SMO: variants seen among roughly 807,000 people sequenced by gnomAD.
The protein encoded by SMO is smoothened, frizzled class receptor, also known as protein smoothened.
Under a neutral mutation model 81.6 loss-of-function variants are expected in SMO, and 40 were observed. That is an observed-to-expected ratio of 0.49 (90% CI 0.38 to 0.64). SMO has a LOEUF of 0.64. SMO is among the 30% of genes least tolerant of loss of function. The pLI, the probability that SMO is intolerant of heterozygous loss-of-function variation, is 0.00. For synonymous variants in SMO, 434 were observed against 432.1 expected (o/e 1.00, Z -0.05); for missense variants, 916 against 1,061.1 (o/e 0.86, Z 1.90).
In SMO at chr7:129,206,547, C is replaced by G. The variant is rs1401634708; in HGVS notation, c.1224C>G (p.Ile408Met). ...GTGCGGGCTTCGTGCTGGCCCCAATCGGCCTGGTGCTCATCGTGGGAGGCT... is the reference window on the plus strand; with the variant it reads ...GTGCGGGCTTCGTGCTGGCCCCAATGGGCCTGGTGCTCATCGTGGGAGGCT... ...RYRAGFVLAP[I>M]GLVLIVGGYF... The change falls in exon 6 of 12, where the codon ATC becomes ATG. Residue 408 changes from isoleucine to methionine, a missense_variant. This residue lies in a region of SMO where 436 missense variants were observed against 570.9 expected (regional missense o/e 0.76). Coordinates refer to ENST00000249373, the MANE Select transcript of SMO (RefSeq NM_005631.5). This position sits in a 1 kb window ranked among gnomAD's most constrained non-coding sequence, Gnocchi z 4.4. 6.2e-7 allele frequency: 1 copy of G among 1,614,178 alleles called. No homozygotes were observed. Among genetic ancestry groups the G allele is most frequent in the Non-Finnish European group, 8.5e-7 (1 of 1,180,030 alleles).
rs779384205 is a variant in SMO, at chr7:129,212,442, G to T, written c.2355G>T (p.Ser785=). The T allele has an allele frequency of 6.2e-7, 1 of 1,610,260 alleles. No homozygotes were observed. Among genetic ancestry groups the T allele is most frequent in the Non-Finnish European group, 8.5e-7 (1 of 1,177,212 alleles). The change falls in exon 12 of 12, where the codon TCG becomes TCT. Residue 785 remains serine, a synonymous_variant. Coordinates refer to ENST00000249373, the MANE Select transcript of SMO (RefSeq NM_005631.5). This position sits in a 1 kb window ranked among gnomAD's most constrained non-coding sequence, Gnocchi z 5.0. ...ACACAGAACTCATGGATGCAGACTC[G>T]GACTTCTGAGCCTGCAGAGCAGGAC... ...LMDTELMDAD[S]DF is the part of the protein sequence containing the mutation.
At chr7:129,197,031 A>G (rs1337478673) in intron 1 of SMO, among the ~76,000 whole-genome samples, 1 of 151,346 alleles carries the variant, frequency 6.6e-6, no homozygotes, top group South Asian at 2.1e-4. Flanking sequence ...AAAAAAAAAA[A>G]AAAGAAATAA....
At chr7:129,193,123 G>A (rs886186868) in intron 1 of SMO, among the ~76,000 whole-genome samples, 11 of 152,130 alleles carry the variant, frequency 7.2e-5, no homozygotes, top group East Asian at 3.9e-4. Context: ...TGTCCAGGCC[G>A]TGGTCCACCT....
intron 1 of SMO, among the ~76,000 whole-genome samples, chr7:129,201,684 T>A (rs1387768639): frequency 6.6e-6 from 1 of 152,102 alleles, no homozygotes; most frequent in Non-Finnish European, 1.5e-5. Context: ...TTTTGTTTTT[T>A]ATTTTTTTGT....
intron 1 of SMO, among the ~76,000 whole-genome samples, chr7:129,196,097 T>C (rs1353032995): frequency 9.1e-5 from 12 of 131,794 alleles, no homozygotes; most frequent in African/African-American, 2.9e-4. Context: ...TGAGACTCCC[T>C]CTCAAAAAAA....
Position 129,212,358 on chromosome 7 carries a change from A to T in SMO, c.2271A>T (p.Ala757=), listed in dbSNP as rs1793889832. 1 of 1,614,090 alleles carries T rather than the reference A, an allele frequency of 6.2e-7. No individual in the cohort carries two copies. ...TGCCCAGTGCACCGGCCCCCGTGGCATGGGCTCATGGCCGCCGACAGGGCC... is the reference window on the plus strand; with the variant it reads ...TGCCCAGTGCACCGGCCCCCGTGGCTTGGGCTCATGGCCGCCGACAGGGCC... ...PFLPSAPAPV[A]WAHGRRQGLG... is the part of the protein sequence containing the mutation. The change falls in exon 12 of 12, where the codon GCA becomes GCT. Residue 757 remains alanine, a synonymous_variant. Coordinates refer to ENST00000249373, the MANE Select transcript of SMO (RefSeq NM_005631.5). The surrounding 1 kb of genome is among the most constrained non-coding windows in gnomAD (Gnocchi z 5.0).
rs1793851805 is a variant in SMO, at chr7:129,210,460, C to G, written c.1564C>G (p.Leu522Val). The change falls in exon 9 of 12, where the codon CTG (leucine) becomes GTG (valine). Residue 522 changes from leucine (L) to valine (V), a missense_variant. By Grantham distance (32) the Leu-to-Val change is conservative. Coordinates refer to ENST00000249373, the MANE Select transcript of SMO (RefSeq NM_005631.5). This position sits in a 1 kb window ranked among gnomAD's most constrained non-coding sequence, Gnocchi z 4.7. Reference sequence around the variant, plus strand: ...GAGCCTTCTGGTGGAGAAGATCAACCTGTTTGCCATGTTTGGAACTGGCAT... The same window carrying G: ...GAGCCTTCTGGTGGAGAAGATCAACGTGTTTGCCATGTTTGGAACTGGCAT... ...RPSLLVEKINLFAMFGTGIAM... is the reference protein window; with the variant it reads ...RPSLLVEKINVFAMFGTGIAM... 1.2e-5 allele frequency: 19 copies of G among 1,614,148 alleles called. No individual in the cohort carries two copies. Among genetic ancestry groups the G allele is most frequent in the Non-Finnish European group, 1.4e-5 (16 of 1,179,986 alleles).
rs148983318 is a variant in SMO at position 129,195,884 on chromosome 7, G to A, written c.331+6402G>A. On this transcript the variant is annotated intron_variant, in intron 1 of 11. Transcript: ENST00000249373. ...TGGGAGGTCAAGGTGGGCAGATCAC[G>A]AGGTCAGGAAGTCGAGACCATCCTG... 5.8e-3 allele frequency among the ~76,000 whole-genome samples: 883 copies of A among 152,084 alleles called. 11 individuals are homozygous for A. The highest frequency in any genetic ancestry group is 0.027 in the East Asian group (141 of 5,164).
At position 129,189,047 on chromosome 7, in the gene SMO, G is replaced by A. The variant is rs1005280465; in HGVS notation, c.-105G>A. 11 of 1,063,890 alleles carry A rather than the reference G, an allele frequency of 1.0e-5. No homozygotes were observed. Among genetic ancestry groups the A allele is most frequent in the African/African-American group, 9.9e-5 (6 of 60,806 alleles). The allele number at this position is 1,063,890 out of a possible 1,614,324, so 65.9% of individuals were successfully genotyped here. A position where few individuals can be genotyped will look rare whatever the true frequency, so the allele number is the denominator to read the frequency against. On this transcript the variant is annotated 5_prime_UTR_variant, in exon 1 of 12. Coordinates refer to ENST00000249373, the MANE Select transcript of SMO (RefSeq NM_005631.5). The surrounding 1 kb of genome is among the most constrained non-coding windows in gnomAD (Gnocchi z 4.7). The stretch of plus-strand genomic sequence containing the variant: ...GGGCCCGGATTCTCTGGGCGCACAG[G>A]TCGCCTGAGCCGCCTCCGCGGCCGC...
rs36126187 is a variant in SMO at position 129,208,460 on chromosome 7, A to AT, written c.1265-298dup. Reference sequence around the variant, plus strand: ...GGTTCCATCTCAAAAAAAAAATTATATGGATAGCGCTGTTCTTGAGTCTGT... The same window carrying AT: ...GGTTCCATCTCAAAAAAAAAATTATATTGGATAGCGCTGTTCTTGAGTCTGT... On this transcript the variant is annotated intron_variant, in intron 6 of 11. Transcript: ENST00000249373. The surrounding 1 kb of genome is among the most constrained non-coding windows in gnomAD (Gnocchi z 5.2). Among the ~76,000 whole-genome samples the AT allele has an allele frequency of 0.83, 125,901 of 151,802 alleles. 52,445 individuals are homozygous for AT. The highest frequency in any genetic ancestry group is 0.89 in the Middle Eastern group (263 of 294).
rs55789540 is a variant in SMO, at chr7:129,205,312, A to G, written c.647A>G (p.Gln216Arg). 6.2e-7 allele frequency: 1 copy of G among 1,614,102 alleles called. No individual in the cohort carries two copies. Among genetic ancestry groups the G allele is most frequent in the Non-Finnish European group, 8.5e-7 (1 of 1,180,030 alleles). Residue 216 changes from glutamine to arginine, a missense_variant, in exon 3 of 12, where the codon CAG (glutamine) becomes CGG (arginine). Gln to Arg is a conservative substitution (Grantham distance 43). This residue lies in a region of SMO where 436 missense variants were observed against 570.9 expected (regional missense o/e 0.76). Coordinates refer to ENST00000249373, the MANE Select transcript of SMO (RefSeq NM_005631.5). Reference sequence around the variant, plus strand: ...GAGGACGTGGAGGGCTGCGGCATCCAGTGCCAGAACCCGCTCTTCACAGAG... The same window carrying G: ...GAGGACGTGGAGGGCTGCGGCATCCGGTGCCAGAACCCGCTCTTCACAGAG... ...WYEDVEGCGIQCQNPLFTEAE... is the reference protein window; with the variant it reads ...WYEDVEGCGIRCQNPLFTEAE...
intron 1 of SMO, among the ~76,000 whole-genome samples, chr7:129,198,587 A>G (rs1793619213): frequency 6.6e-6 from 1 of 152,270 alleles, no homozygotes; most frequent in Non-Finnish European, 1.5e-5. Context: ...ACAATGGACC[A>G]CATGTGATGG....
Position 129,211,927 on chromosome 7 carries a change from T to G in SMO, c.1937-97T>G, listed in dbSNP as rs1358571746. 7 of 1,422,344 alleles carry G rather than the reference T, an allele frequency of 4.9e-6. No homozygotes were observed. Among genetic ancestry groups the G allele is most frequent in the Non-Finnish European group, 6.6e-6 (7 of 1,053,136 alleles). The allele number at this position is 1,422,344 out of a possible 1,614,324, so 88.1% of individuals were successfully genotyped here. A position where few individuals can be genotyped will look rare whatever the true frequency, so the allele number is the denominator to read the frequency against. On this transcript the variant is annotated intron_variant, in intron 11 of 11. Coordinates refer to ENST00000249373, the MANE Select transcript of SMO (RefSeq NM_005631.5). The surrounding 1 kb of genome is among the most constrained non-coding windows in gnomAD (Gnocchi z 4.6). ...CTGAGGCTCTAAGAGTCTAGAGACC[T>G]GGGCCCCAGAACTAACAGGTTAAGT... is the stretch of plus-strand genomic sequence containing the variant.
chr7:129,210,490 A>G lies in SMO; in HGVS notation c.1594A>G (p.Met532Val). The change falls in exon 9 of 12, where the codon ATG (methionine) becomes GTG (valine). Residue 532 changes from methionine (M) to valine (V), a missense_variant. Met to Val is a conservative substitution (Grantham distance 21). Around this residue, in one of 4 missense-constraint regions of SMO, gnomAD observed 436 missense variants for 570.9 expected, o/e 0.76. Transcript: ENST00000249373. The surrounding 1 kb of genome is among the most constrained non-coding windows in gnomAD (Gnocchi z 4.7). The part of the protein sequence containing the change: ...LFAMFGTGIA[M>V]STWVWTKATL... ...TGCCATGTTTGGAACTGGCATCGCCATGAGCACCTGGGTCTGGACCAAGGC... is the reference window on the plus strand; with the variant it reads ...TGCCATGTTTGGAACTGGCATCGCCGTGAGCACCTGGGTCTGGACCAAGGC... The G allele has an allele frequency of 1.2e-6, 2 of 1,614,202 alleles. No individual in the cohort carries two copies. The highest frequency in any genetic ancestry group is 1.7e-6 in the Non-Finnish European group (2 of 1,180,034).
chr7:129,206,560 A>G lies in SMO; in HGVS notation c.1237A>G (p.Ile413Val). 6.2e-7 allele frequency: 1 copy of G among 1,614,166 alleles called. No homozygotes were observed. The highest frequency in any genetic ancestry group is 1.1e-5 in the South Asian group (1 of 91,080). ...FVLAPIGLVL[I>V]VGGYFLIRGV... ...GCTGGCCCCAATCGGCCTGGTGCTC[A>G]TCGTGGGAGGCTACTTCCTCATCCG... Residue 413 changes from isoleucine (I) to valine (V), a missense_variant, in exon 6 of 12, where the codon ATC (isoleucine) becomes GTC (valine). Ile to Val is a conservative substitution (Grantham distance 29). Coordinates refer to ENST00000249373, the MANE Select transcript of SMO (RefSeq NM_005631.5). This position sits in a 1 kb window ranked among gnomAD's most constrained non-coding sequence, Gnocchi z 4.4.
Position 129,212,592 on chromosome 7 carries a change from T to A in SMO, c.*141T>A. On this transcript the variant is annotated 3_prime_UTR_variant, in exon 12 of 12. Coordinates refer to ENST00000249373, the MANE Select transcript of SMO (RefSeq NM_005631.5). This position sits in a 1 kb window ranked among gnomAD's most constrained non-coding sequence, Gnocchi z 5.0. ...TGCCCTCCGAAGAGAGTTCTGGATGTCTGGCTCAAAGCAGCAGGACTGTGG... is the reference window on the plus strand; with the variant it reads ...TGCCCTCCGAAGAGAGTTCTGGATGACTGGCTCAAAGCAGCAGGACTGTGG... 1.3e-6 allele frequency: 1 copy of A among 783,502 alleles called. No individual in the cohort carries two copies. The highest frequency in any genetic ancestry group is 2.0e-6 in the Non-Finnish European group (1 of 499,430). The allele number at this position is 783,502 out of a possible 1,614,324, so 48.5% of individuals were successfully genotyped here.
rs781472503 is a variant in SMO at position 129,208,883 on chromosome 7, T to G, written c.1357+32T>G. On this transcript the variant is annotated intron_variant, in intron 7 of 11. Transcript: ENST00000249373. The surrounding 1 kb of genome is among the most constrained non-coding windows in gnomAD (Gnocchi z 5.2). ...GGCCCCGGGGGACTTCGGTCTGAGG[T>G]CCTGGCCAGCCCAACACTGCACCCT... is the stretch of plus-strand genomic sequence containing the variant. 4.3e-5 allele frequency: 65 copies of G among 1,498,852 alleles called. No individual in the cohort carries two copies. The highest frequency in any genetic ancestry group is 5.6e-5 in the Non-Finnish European group (60 of 1,078,590). The allele number at this position is 1,498,852 out of a possible 1,614,324, so 92.8% of individuals were successfully genotyped here.
At chr7:129,199,824 C>A (rs746242113) in intron 1 of SMO, among the ~76,000 whole-genome samples, 1 of 152,256 alleles carries the variant, frequency 6.6e-6, no homozygotes, top group East Asian at 1.9e-4. Context: ...ACGAAATATT[C>A]TTTTTTTAAA....
intron 1 of SMO, among the ~76,000 whole-genome samples, chr7:129,193,243 C>G (rs866772093): frequency 6.6e-6 from 1 of 152,194 alleles, no homozygotes; most frequent in South Asian, 2.1e-4. Context: ...CACTGCTGTG[C>G]TCTGTGTGGT....
Sources: allele counts gnomAD v4.1 joint callset (sites outside exome capture counted in the v4.1 genomes callset), GRCh38; gene constraint gnomAD v4.1.1; regional missense constraint gnomAD v4.1.1; non-coding constraint Gnocchi (gnomAD v3.1); transcripts MANE v1.5; gene names NCBI Gene and HGNC (gene_info 2026-07-23, HGNC 2026-07-21).